EYA2: variants seen among roughly 807,000 people sequenced by gnomAD.
The protein encoded by EYA2 is EYA transcriptional coactivator and phosphatase 2, also known as protein phosphatase EYA2.
Under a neutral mutation model 69.2 loss-of-function variants are expected in EYA2, and 31 were observed. That is an observed-to-expected ratio of 0.45 (90% CI 0.34 to 0.60). The LOEUF (loss-of-function observed/expected upper bound fraction) is 0.60. EYA2 is among the 20% of genes least tolerant of loss of function. EYA2 has a pLI of 0.02. For synonymous variants in EYA2, 257 were observed against 279.4 expected (o/e 0.92, Z 0.80); for missense variants, 622 against 701.2 (o/e 0.89, Z 1.28).
At chr20:46,911,704 A>G (rs1464644491) in intron 1 of EYA2, among the ~76,000 whole-genome samples, 1 of 152,198 alleles carries the variant, frequency 6.6e-6, no homozygotes, top group Non-Finnish European at 1.5e-5. Context: ...CAGAAACACA[A>G]ATATCTCATG....
chr20:47,004,776 T>C (rs1982600128), intron 3 of EYA2, 166 bp from the exon 4 acceptor site: 1 of 903,148 alleles, frequency 1.1e-6, no homozygotes, highest in South Asian at 1.5e-5. Flanking sequence ...GTAATCTTCC[T>C]GCTTCCCAGG....
chr20:47,048,025 C>A (rs1175152812), intron 5 of EYA2, among the ~76,000 whole-genome samples: 1 of 152,136 alleles, frequency 6.6e-6, no homozygotes. Context: ...CACTGATAAT[C>A]CAGGATCATC....
intron 10 of EYA2, among the ~76,000 whole-genome samples, chr20:47,149,609 T>C (rs1197941350): frequency 6.7e-6 from 1 of 148,822 alleles, no homozygotes; most frequent in Admixed American, 6.9e-5. Flanking sequence ...TTTGGGAGGC[T>C]GAGACAGTGG....
intron 1 of EYA2, among the ~76,000 whole-genome samples, chr20:46,944,691 C>T (rs1256469747): frequency 6.6e-6 from 1 of 152,086 alleles, no homozygotes; most frequent in Non-Finnish European, 1.5e-5. Context: ...GTATGTCTCA[C>T]ATCTTACCTA....
intron 1 of EYA2, among the ~76,000 whole-genome samples, chr20:46,935,618 C>G (rs1177579131): frequency 6.6e-6 from 1 of 152,106 alleles, no homozygotes; most frequent in Non-Finnish European, 1.5e-5. Context: ...GACGTCACCT[C>G]TCTGTGCCTT....
chr20:47,045,598 A>T (rs965077630), intron 5 of EYA2, among the ~76,000 whole-genome samples: 1 of 152,142 alleles, frequency 6.6e-6, no homozygotes, highest in Non-Finnish European at 1.5e-5. Context: ...GCTTCCATGG[A>T]TTTGTTACCT....
At chr20:47,086,354 C>T (rs759070164) in intron 7 of EYA2, among the ~76,000 whole-genome samples, 1 of 152,138 alleles carries the variant, frequency 6.6e-6, no homozygotes, top group Admixed American at 6.6e-5. Context: ...GGTATGGTGG[C>T]GTGTGCCTGT....
At chr20:47,171,243 G>A (rs1448352085) in intron 11 of EYA2, among the ~76,000 whole-genome samples, 1 of 152,216 alleles carries the variant, frequency 6.6e-6, no homozygotes, top group Non-Finnish European at 1.5e-5. Context: ...CTCATGCTGA[G>A]CTGTTTGGTA....
intron 1 of EYA2, among the ~76,000 whole-genome samples, chr20:46,980,344 T>G (rs1980750620): frequency 6.6e-6 from 1 of 152,232 alleles, no homozygotes; most frequent in South Asian, 2.1e-4. Flanking sequence ...TTAAGACCTT[T>G]AGCAGCCTCA....
intron 1 of EYA2, among the ~76,000 whole-genome samples, chr20:46,956,214 A>G (rs956517854): frequency 1.3e-5 from 2 of 152,242 alleles, no homozygotes; most frequent in African/African-American, 4.8e-5. Flanking sequence ...CCTGCTTAGC[A>G]TCTGATTTTT....
rs2034506978 is a variant in EYA2 at position 47,179,978 on chromosome 20, T to C, written c.1313+66T>C. On this transcript the variant is annotated intron_variant, in intron 13 of 15. Transcript: ENST00000327619. Reference sequence around the variant, plus strand: ...TCTCGCAGTAGACAGTGGTGGCTCCTGCATGTCCACACTTGGGAGAATTGG... The same window carrying C: ...TCTCGCAGTAGACAGTGGTGGCTCCCGCATGTCCACACTTGGGAGAATTGG... 171 of 1,103,156 alleles carry C rather than the reference T, an allele frequency of 1.6e-4. 4 individuals are homozygous for C. The South Asian group carries it at 2.1e-3, about 13-fold the overall frequency. 68.3% of individuals were successfully genotyped at this position (1,103,156 alleles called of 1,614,324 possible). A position where few individuals can be genotyped will look rare whatever the true frequency, so the allele number is the denominator to read the frequency against.
At chr20:47,110,434 G>A (rs373961296) in intron 9 of EYA2, among the ~76,000 whole-genome samples, 16 of 152,076 alleles carry the variant, frequency 1.1e-4, no homozygotes, top group South Asian at 4.2e-4. Flanking sequence ...TGTGAGACAG[G>A]GATCTCACTT....
chr20:47,016,669 G>A (rs1983432066), intron 5 of EYA2, among the ~76,000 whole-genome samples: 1 of 152,188 alleles, frequency 6.6e-6, no homozygotes, highest in Non-Finnish European at 1.5e-5. Flanking sequence ...AATCCCAAAG[G>A]GTGAGGCAGA....
chr20:47,083,577 C>CAA (rs35525311), intron 7 of EYA2, among the ~76,000 whole-genome samples: 62,445 of 120,188 alleles, frequency 0.52, 17,851 homozygotes, highest in Non-Finnish European at 0.62. Flanking sequence ...GAGTCCATCT[C>CAA]AAAAAAAAAA....
At chr20:46,988,188 C>A (rs1477462243) in intron 1 of EYA2, among the ~76,000 whole-genome samples, 10 of 125,316 alleles carry the variant, frequency 8.0e-5, no homozygotes, top group African/African-American at 2.8e-4. Context: ...GAGCACTTGC[C>A]AATTTTGGTG....
intron 5 of EYA2, among the ~76,000 whole-genome samples, chr20:47,045,377 G>A (rs763668415): frequency 4.6e-5 from 7 of 152,170 alleles, no homozygotes; most frequent in Admixed American, 1.3e-4. Flanking sequence ...TTTAAGGCCC[G>A]GACTCAGAAG....
intron 10 of EYA2, among the ~76,000 whole-genome samples, chr20:47,149,653 G>A (rs553137610): frequency 7.1e-6 from 1 of 140,616 alleles, no homozygotes; most frequent in South Asian, 2.2e-4. Flanking sequence ...GACCAGCCTC[G>A]CCAACATGGC....
intron 2 of EYA2, among the ~76,000 whole-genome samples, chr20:46,993,677 A>T (rs1038432573): frequency 2.0e-5 from 3 of 152,248 alleles, no homozygotes; most frequent in South Asian, 2.1e-4. Context: ...AAAGCTGACA[A>T]TGACGATAAA....
At chr20:46,994,181 A>T (rs1169172962) in intron 2 of EYA2, among the ~76,000 whole-genome samples, 1 of 152,200 alleles carries the variant, frequency 6.6e-6, no homozygotes, top group East Asian at 1.9e-4. Context: ...CTACATTTGC[A>T]TCGTACTGAT....
Sources: gnomAD v4.1 joint callset for allele counts (sites outside exome capture counted in the v4.1 genomes callset) on GRCh38, gnomAD v4.1.1 for gene constraint, MANE v1.5 for transcripts, NCBI Gene and HGNC (gene_info 2026-07-23, HGNC 2026-07-21) for gene names.